GOLGA1: variants seen among roughly 807,000 people sequenced by gnomAD.
GOLGA1 encodes golgin A1.
GOLGA1 carries 63 observed loss-of-function variants against 119.7 expected under a neutral mutation model. The ratio of observed to expected loss-of-function variants is 0.53; its 90% CI spans 0.43 to 0.65. The LOEUF (loss-of-function observed/expected upper bound fraction) is 0.65. GOLGA1 is among the 30% of genes least tolerant of loss of function. The pLI is 0.00. For missense variants in GOLGA1, 798 were observed against 912.8 expected (o/e 0.87, Z 1.62); for synonymous variants, 318 against 333.4 (o/e 0.95, Z 0.50).
At chr9:124,931,259 G>C in intron 4 of GOLGA1, 57 bp downstream of exon 4, 1 of 813,154 alleles carries the variant, frequency 1.2e-6, no homozygotes. Context: ...TTTATAGGAA[G>C]AGAGTCAAGC....
Position 124,911,902 on chromosome 9 carries a change from T to C in GOLGA1, c.968A>G (p.Glu323Gly), listed in dbSNP as rs1830348289. 6.2e-7 allele frequency: 1 copy of C among 1,612,034 alleles called. No homozygotes were observed. The highest frequency in any genetic ancestry group is 8.5e-7 in the Non-Finnish European group (1 of 1,178,380). Residue 323 changes from glutamate to glycine, a missense_variant and splice_region_variant, in exon 11 of 23, where the codon GAG becomes GGG. Glu to Gly is a moderately conservative substitution (Grantham distance 98). Transcript: ENST00000373555. Reference protein sequence around the residue: ...GEEHLQELLKEKTLAEQNLED... With the variant: ...GEEHLQELLKGKTLAEQNLED... ...CAGCCCAAAGAGAACAGAAGTTACC[T>C]CTTTCAGGAGTTCTTGCAAGTGTTC...
At chr9:124,937,785 T>C (rs1208764397) in intron 3 of GOLGA1, among the ~76,000 whole-genome samples, 2 of 152,086 alleles carry the variant, frequency 1.3e-5, no homozygotes, top group African/African-American at 2.4e-5. Flanking sequence ...ATTTTACTAA[T>C]AAGAAACATA....
chr9:124,880,260 T>G lies in GOLGA1; in HGVS notation c.*270A>C. ...TTAGAGGATTCAGGTGCAGATGGGG[T>G]GCTGGCTGGAGCTGGGATATTAGCA... On this transcript the variant is annotated 3_prime_UTR_variant, in exon 23 of 23. Coordinates refer to ENST00000373555, the MANE Select transcript of GOLGA1 (RefSeq NM_002077.4). 3.4e-6 allele frequency: 1 copy of G among 297,032 alleles called. No homozygotes were observed. The allele number at this position is 297,032 out of a possible 1,614,324, so 18.4% of individuals were successfully genotyped here.
chr9:124,880,663 G>A, intron 22 of GOLGA1, 53 bp from the exon 23 acceptor site: 1 of 1,153,386 alleles, frequency 8.7e-7, no homozygotes, highest in Non-Finnish European at 1.3e-6. Flanking sequence ...CTTGGTGCCA[G>A]GGAAACTGAA....
chr9:124,938,111 A>T (rs1054269732), intron 3 of GOLGA1, among the ~76,000 whole-genome samples: 1 of 151,876 alleles, frequency 6.6e-6, no homozygotes, highest in Admixed American at 6.6e-5. Context: ...AAGAAAAAAG[A>T]AAAAAAGCAA....
intron 10 of GOLGA1, among the ~76,000 whole-genome samples, chr9:124,914,067 TA>T (rs368557071): frequency 6.6e-6 from 1 of 151,994 alleles, no homozygotes; most frequent in African/African-American, 2.4e-5. Flanking sequence ...GTGAGTGTGA[TA>T]GGAAAAAAAA....
chr9:124,934,845 G>A (rs556555789), intron 3 of GOLGA1, among the ~76,000 whole-genome samples: 37 of 152,190 alleles, frequency 2.4e-4, no homozygotes, highest in African/African-American at 8.2e-4. Context: ...CCAGGAGTTC[G>A]AGACCAGCCT....
intron 19 of GOLGA1, among the ~76,000 whole-genome samples, chr9:124,884,484 T>C (rs1436861772): frequency 6.6e-6 from 1 of 152,184 alleles, no homozygotes; most frequent in East Asian, 1.9e-4. Flanking sequence ...TAATGTCTAA[T>C]GTGACAGGAA....
At chr9:124,928,105 T>C in intron 6 of GOLGA1, 83 bp downstream of exon 6, 1 of 604,842 alleles carries the variant, frequency 1.7e-6, no homozygotes, top group Middle Eastern at 2.6e-4. Context: ...AAATATTTTC[T>C]ATAGGTTATG....
At position 124,882,579 on chromosome 9, in the gene GOLGA1, G is replaced by GC. The variant is rs1162712120; in HGVS notation, c.1906-11dup. The GC allele has an allele frequency of 6.2e-7, 1 of 1,609,782 alleles. No individual in the cohort carries two copies. The highest frequency in any genetic ancestry group is 1.3e-5 in the African/African-American group (1 of 74,998). On this transcript the variant is annotated splice_polypyrimidine_tract_variant and intron_variant, in intron 19 of 22. Coordinates refer to ENST00000373555, the MANE Select transcript of GOLGA1 (RefSeq NM_002077.4). ...GCATCTGCTTTATGGTCTGCGACAAGCCCCACCCCACAGAAAGCCAATCGT... is the reference window on the plus strand; with the variant it reads ...GCATCTGCTTTATGGTCTGCGACAAGCCCCCACCCCACAGAAAGCCAATCGT...
At chr9:124,932,078 G>A (rs553373055) in intron 3 of GOLGA1, among the ~76,000 whole-genome samples, 1 of 152,272 alleles carries the variant, frequency 6.6e-6, no homozygotes, top group Admixed American at 6.5e-5. Flanking sequence ...GAAAGGGAGA[G>A]AGATTGGTCT....
Position 124,881,937 on chromosome 9 carries a change from A to G in GOLGA1, c.1983T>C (p.Asn661=). 1.2e-6 allele frequency: 2 copies of G among 1,606,316 alleles called. No individual in the cohort carries two copies. The highest frequency in any genetic ancestry group is 1.7e-6 in the Non-Finnish European group (2 of 1,176,802). ...LQKELKIRPD[N]ELFEVREKPG... ...GTTTCTCCCGGACTTCGAAGAGCTC[A>G]TTATCGGGTCTGATTTTCTGAAAAA... The change falls in exon 21 of 23, where the codon AAT becomes AAC. Residue 661 remains asparagine, a synonymous_variant. Transcript: ENST00000373555. This position sits in a 1 kb window ranked among gnomAD's most constrained non-coding sequence, Gnocchi z 4.9.
chr9:124,886,977 C>G (rs866653053), intron 19 of GOLGA1, among the ~76,000 whole-genome samples: 1 of 152,186 alleles, frequency 6.6e-6, no homozygotes, highest in Non-Finnish European at 1.5e-5. Flanking sequence ...CAGGTGATGG[C>G]ACTCTCCAGC....
chr9:124,914,404 G>C (rs765390724), intron 10 of GOLGA1, among the ~76,000 whole-genome samples: 12 of 152,220 alleles, frequency 7.9e-5, no homozygotes, highest in Non-Finnish European at 1.3e-4. Context: ...AGGAGGCTGA[G>C]GCGGGAGAAC....
At chr9:124,887,110 G>A (rs1260479241) in intron 19 of GOLGA1, among the ~76,000 whole-genome samples, 6 of 152,208 alleles carry the variant, frequency 3.9e-5, no homozygotes, top group Admixed American at 3.9e-4. Context: ...GCAGGTGTCG[G>A]GAAGGCAGTG....
At chr9:124,933,828 T>G (rs537985118) in intron 3 of GOLGA1, among the ~76,000 whole-genome samples, 1 of 152,166 alleles carries the variant, frequency 6.6e-6, no homozygotes, top group South Asian at 2.1e-4. Context: ...ATTTTACATG[T>G]GTTGTCACAA....
Position 124,921,747 on chromosome 9 carries a change from T to A in GOLGA1, c.707A>T (p.His236Leu). ...CCTCTGCTCTTCCAGCGTTGAGTAG[T>A]GTCTCTGCAATTCTTCTAGCTTCTG... is the stretch of plus-strand genomic sequence containing the variant. ...LSQKLEELQR[H>L]YSTLEEQRDH... Residue 236 changes from histidine to leucine, a missense_variant, in exon 9 of 23, where the codon CAC becomes CTC. Physicochemically the swap from His to Leu is moderately conservative, Grantham distance 99. Transcript: ENST00000373555. 3.7e-6 allele frequency: 6 copies of A among 1,613,956 alleles called. No individual in the cohort carries two copies. The highest frequency in any genetic ancestry group is 5.1e-6 in the Non-Finnish European group (6 of 1,179,846).
rs780432197 is a variant in GOLGA1, at chr9:124,908,379, G to A, written c.1063C>T (p.Arg355Trp). 1 of 1,553,140 alleles carries A rather than the reference G, an allele frequency of 6.4e-7. No homozygotes were observed. Among genetic ancestry groups the A allele is most frequent in the Non-Finnish European group, 8.9e-7 (1 of 1,124,324 alleles). ...AACACCAGGAGTAAGGTCAGTACCC[G>A]AGTCTCCAGGGTGTTAATGGCCTTA... ...QAKAINTLET[R>W]VRELEQTLQA... The change falls in exon 12 of 23, where the codon CGG becomes TGG. Residue 355 changes from arginine to tryptophan, a missense_variant and splice_region_variant. Transcript: ENST00000373555.
chr9:124,883,984 CAACT>C (rs1460103989), intron 19 of GOLGA1, among the ~76,000 whole-genome samples: 1 of 152,008 alleles, frequency 6.6e-6, no homozygotes, highest in African/African-American at 2.4e-5. Context: ...GACATTTTCT[CAACT>C]AAAAACTTCA....
Sources: allele counts gnomAD v4.1 joint callset (sites outside exome capture counted in the v4.1 genomes callset), GRCh38; gene constraint gnomAD v4.1.1; non-coding constraint Gnocchi (gnomAD v3.1); transcripts MANE v1.5; gene names NCBI Gene and HGNC (gene_info 2026-07-23, HGNC 2026-07-21).